CELF2: variants seen among roughly 807,000 people sequenced by gnomAD.
CELF2 encodes the protein CUGBP Elav-like family member 2.
In CELF2, 8 loss-of-function variants were observed where a neutral mutation model predicts 62.6. That is an observed-to-expected ratio of 0.13 (90% CI 0.07 to 0.23). CELF2 has a LOEUF of 0.23. Among genes scored for constraint, CELF2 ranks in the 10% least tolerant of loss-of-function variants. The probability of loss-of-function intolerance (pLI) is 1.00; values close to 1 mark genes in which losing one functional copy is unlikely to be tolerated. For synonymous variants in CELF2, 258 were observed against 250.0 expected (o/e 1.03, Z -0.30); for missense variants, 333 against 671.0 (o/e 0.50, Z 5.56).
At chr10:11,218,437 C>T (rs1388360862) in intron 3 of CELF2, among the ~76,000 whole-genome samples, 4 of 152,214 alleles carry the variant, frequency 2.6e-5, no homozygotes, top group Non-Finnish European at 4.4e-5. Context: ...TGTATATACA[C>T]ATTCACACAT....
intron 9 of CELF2, among the ~76,000 whole-genome samples, chr10:11,308,443 C>G (rs2094385476): frequency 1.3e-5 from 2 of 152,144 alleles, no homozygotes; most frequent in South Asian, 4.1e-4. Flanking sequence ...TTTCTCCATT[C>G]TTTTTTCTTT....
intron 1 of CELF2, among the ~76,000 whole-genome samples, chr10:11,020,670 A>G (rs1406255396): frequency 5.3e-5 from 8 of 152,230 alleles, no homozygotes. Flanking sequence ...AAGCAGTAGA[A>G]TATTTTCAAT....
Position 10,928,769 on chromosome 10 carries a change from C to T in CELF2, c.89+8770C>T, listed in dbSNP as rs2065788323. On this transcript the variant is annotated intron_variant, in intron 2 of 13. Coordinates refer to the CELF2 transcript ENST00000636488. This position sits in a 1 kb window ranked among gnomAD's most constrained non-coding sequence, Gnocchi z 4.8. ...CCCCTATCCTAGCATCTGTGTCATCCAATAATATAATTGACTAGAGGACTT... is the reference window on the plus strand; with the variant it reads ...CCCCTATCCTAGCATCTGTGTCATCTAATAATATAATTGACTAGAGGACTT... 6.6e-6 allele frequency among the ~76,000 whole-genome samples: 1 copy of T among 152,046 alleles called. No homozygotes were observed. Among genetic ancestry groups the T allele is most frequent in the African/African-American group, 2.4e-5 (1 of 41,384 alleles).
At chr10:11,064,315 T>A (rs183500986) in intron 1 of CELF2, among the ~76,000 whole-genome samples, 2 of 152,338 alleles carry the variant, frequency 1.3e-5, no homozygotes, top group East Asian at 3.9e-4. Flanking sequence ...ATTAATTGAC[T>A]GTTTTCAGCA....
chr10:10,906,717 C>CT (rs397846553), intron 1 of CELF2, among the ~76,000 whole-genome samples: 83,365 of 109,558 alleles, frequency 0.76, 32,365 homozygotes, highest in South Asian at 0.87. Context: ...TTTTTCTTTT[C>CT]TTTTTTTTTT....
the CELF2 span, among the ~76,000 whole-genome samples, chr10:10,700,291 C>T: frequency 6.6e-5 from 10 of 152,248 alleles, no homozygotes; most frequent in South Asian, 2.1e-4. Context: ...AAAGGGAGGC[C>T]CAAGGCTGGG....
chr10:10,926,545 C>G (rs1415894030), intron 2 of CELF2, among the ~76,000 whole-genome samples: 1 of 152,298 alleles, frequency 6.6e-6, no homozygotes, highest in Admixed American at 6.5e-5. Flanking sequence ...CAGCCAGCAC[C>G]CTGGTACACC....
the CELF2 span, among the ~76,000 whole-genome samples, chr10:10,751,065 C>T: frequency 6.6e-6 from 1 of 152,234 alleles, no homozygotes; most frequent in Admixed American, 6.5e-5. Context: ...CCTGAATATT[C>T]CTTGCACTCT....
chr10:10,892,382 C>T (rs2062208256), intron 1 of CELF2, among the ~76,000 whole-genome samples: 1 of 152,056 alleles, frequency 6.6e-6, no homozygotes, highest in African/African-American at 2.4e-5. Flanking sequence ...CCCCAGAGCT[C>T]CTCATCTCCT....
intron 1 of CELF2, among the ~76,000 whole-genome samples, chr10:10,872,661 A>T (rs991385626): frequency 7.8e-6 from 1 of 128,208 alleles, no homozygotes; most frequent in Admixed American, 8.1e-5. Flanking sequence ...AAGCAAAACA[A>T]CAACAACAAC....
At chr10:10,475,584 GGA>G in the CELF2 span, among the ~76,000 whole-genome samples, 2 of 151,980 alleles carry the variant, frequency 1.3e-5, no homozygotes, top group African/African-American at 2.4e-5. Flanking sequence ...GCCTCTTTCT[GGA>G]ACACAAATAT....
upstream of CELF2, among the ~76,000 whole-genome samples, chr10:11,016,371 C>G (rs562808303): frequency 6.6e-6 from 1 of 152,298 alleles, no homozygotes; most frequent in East Asian, 1.9e-4. This position sits in a 1 kb window ranked among gnomAD's most constrained non-coding sequence, Gnocchi z 5.2. Flanking sequence ...TAGTTTAGCC[C>G]TACATCTAAT....
At chr10:11,183,435 G>C (rs532084717) in intron 2 of CELF2, among the ~76,000 whole-genome samples, 1 of 152,330 alleles carries the variant, frequency 6.6e-6, no homozygotes, top group South Asian at 2.1e-4. Context: ...GTAAAGACAA[G>C]TGCTTTTGTC....
intron 2 of CELF2, among the ~76,000 whole-genome samples, chr10:11,175,682 G>A (rs1452943448): frequency 2.6e-5 from 4 of 152,192 alleles, no homozygotes; most frequent in Non-Finnish European, 4.4e-5. Context: ...GTAACAATGA[G>A]TTGAGGTTAG....
the CELF2 span, among the ~76,000 whole-genome samples, chr10:10,555,733 C>A: frequency 6.6e-6 from 1 of 152,166 alleles, no homozygotes. Flanking sequence ...CACATGCACA[C>A]ACACACATGC....
chr10:11,135,013 T>G (rs896189240), intron 1 of CELF2, among the ~76,000 whole-genome samples: 1 of 152,202 alleles, frequency 6.6e-6, no homozygotes, highest in African/African-American at 2.4e-5. Context: ...ATACCAGTGT[T>G]TGCACCTTCA....
the CELF2 span, among the ~76,000 whole-genome samples, chr10:10,696,080 G>A: frequency 2.0e-5 from 3 of 152,184 alleles, no homozygotes; most frequent in East Asian, 3.9e-4. Flanking sequence ...GAGGAGAGGT[G>A]CTCTGCTTTT....
chr10:10,606,250 C>A, the CELF2 span, among the ~76,000 whole-genome samples: 4 of 152,192 alleles, frequency 2.6e-5, no homozygotes, highest in South Asian at 2.1e-4. Context: ...CTCAAAAAAA[C>A]GTGATTGAGG....
At chr10:10,963,467 C>T (rs557755405) in intron 2 of CELF2, among the ~76,000 whole-genome samples, 30 of 152,302 alleles carry the variant, frequency 2.0e-4, no homozygotes, top group Non-Finnish European at 4.0e-4. Context: ...TCACCACTGA[C>T]GGTTAGAGCT....
Sources: gnomAD v4.1 joint callset for allele counts (sites outside exome capture counted in the v4.1 genomes callset) on GRCh38, gnomAD v4.1.1 for gene constraint, Gnocchi (gnomAD v3.1) non-coding constraint, MANE v1.5 for transcripts, NCBI Gene and HGNC (gene_info 2026-07-23, HGNC 2026-07-21) for gene names.